The following RTL4 variants were observed in gnomAD, a reference collection of about 807,000 sequenced individuals.
RTL4 encodes retrotransposon Gag like 4.
RTL4 carries 4 observed loss-of-function variants against 5.3 expected under a neutral mutation model. The observed-to-expected ratio is 0.75, with a 90% CI of 0.37 to 1.72. RTL4 has a LOEUF of 1.72. RTL4 is among the 40% of genes most tolerant of loss of function. The pLI is 0.04. For missense variants in RTL4, 260 were observed against 227.1 expected, an observed-to-expected ratio of 1.14 and a Z score of -0.93; for synonymous variants, 98 against 87.3, an observed-to-expected ratio of 1.12 and a Z score of -0.68.
chrX:112,241,970 T>TG, the RTL4 span, among the ~76,000 whole-genome samples: 1 of 112,141 alleles, frequency 8.9e-6, no homozygotes, highest in African/African-American at 3.2e-5. Context: ...TGCCATTTCT[T>TG]ATTTTTGTCA....
the RTL4 span, among the ~76,000 whole-genome samples, chrX:112,276,187 A>T: frequency 8.9e-5 from 10 of 111,875 alleles, no homozygotes; most frequent in Non-Finnish European, 1.9e-4. Context: ...CTTCCATCAT[A>T]TTCTTTGCTA....
the RTL4 span, among the ~76,000 whole-genome samples, chrX:112,179,661 A>C: frequency 6.2e-5 from 7 of 112,583 alleles, no homozygotes; most frequent in South Asian, 2.6e-3. Flanking sequence ...TGAGGGCTTA[A>C]CTATGAGCCA....
At chrX:112,175,574 G>T in the RTL4 span, among the ~76,000 whole-genome samples, 1 of 108,954 alleles carries the variant, frequency 9.2e-6, no homozygotes, top group Non-Finnish European at 1.9e-5. Context: ...CTCTTTTTTG[G>T]TTCCATATGA....
the RTL4 span, among the ~76,000 whole-genome samples, chrX:112,187,305 A>C: frequency 8.9e-6 from 1 of 112,080 alleles, no homozygotes; most frequent in Admixed American, 9.5e-5. Context: ...AAATATTATC[A>C]GTCCAATACA....
chrX:112,178,717 C>G, the RTL4 span, among the ~76,000 whole-genome samples: 20 of 111,378 alleles, frequency 1.8e-4, no homozygotes, highest in Admixed American at 1.9e-3. Context: ...CTCCCCTTAC[C>G]TCAACCCTAA....
the RTL4 span, among the ~76,000 whole-genome samples, chrX:112,397,708 C>T: frequency 1.8e-5 from 2 of 111,790 alleles, no homozygotes; most frequent in African/African-American, 6.5e-5. Context: ...AGATCTTATA[C>T]ATGTTTTAGA....
chrX:112,250,536 G>A, the RTL4 span, among the ~76,000 whole-genome samples: 1 of 111,584 alleles, frequency 9.0e-6, no homozygotes, highest in Non-Finnish European at 1.9e-5. Context: ...ACACAGGGCA[G>A]AGGTTGCATT....
At chrX:112,130,656 A>G in the RTL4 span, among the ~76,000 whole-genome samples, 7 of 111,478 alleles carry the variant, frequency 6.3e-5, no homozygotes, top group South Asian at 3.7e-4. Flanking sequence ...TGGGAGTATG[A>G]CAACTATAAA....
the RTL4 span, among the ~76,000 whole-genome samples, chrX:112,142,112 A>G: frequency 1.2e-4 from 13 of 112,483 alleles, no homozygotes; most frequent in Non-Finnish European, 1.3e-4. Context: ...ATATAGCCAA[A>G]TCAGAGAAGA....
the RTL4 span, among the ~76,000 whole-genome samples, chrX:112,267,814 C>T: frequency 2.3e-3 from 252 of 110,503 alleles, 1 homozygote; most frequent in African/African-American, 7.8e-3. Context: ...TCTCCACATC[C>T]AATTCATAGG....
chrX:112,130,504 A>G, the RTL4 span, among the ~76,000 whole-genome samples: 2 of 110,418 alleles, frequency 1.8e-5, no homozygotes, highest in East Asian at 2.8e-4. Flanking sequence ...GAATGCATGC[A>G]TGCTTATTTA....
the RTL4 span, among the ~76,000 whole-genome samples, chrX:112,406,096 C>T: frequency 9.0e-6 from 1 of 111,370 alleles, no homozygotes; most frequent in African/African-American, 3.3e-5. Context: ...TAACACTTGC[C>T]ACCGTGAGCC....
chrX:112,352,644 C>T, the RTL4 span, among the ~76,000 whole-genome samples: 1 of 111,402 alleles, frequency 9.0e-6, no homozygotes. Context: ...AAAGCTGAAA[C>T]TGGATCCCTT....
At chrX:112,340,623 T>C in the RTL4 span, among the ~76,000 whole-genome samples, 4 of 107,345 alleles carry the variant, frequency 3.7e-5, no homozygotes, top group African/African-American at 1.4e-4. Flanking sequence ...AGGGAAACCT[T>C]TTTAGGCCGT....
the RTL4 span, among the ~76,000 whole-genome samples, chrX:112,436,969 T>C: frequency 2.0e-4 from 22 of 112,060 alleles, no homozygotes; most frequent in Non-Finnish European, 3.4e-4. Context: ...GAGGATACTT[T>C]ATCCTTTGGA....
the RTL4 span, among the ~76,000 whole-genome samples, chrX:112,103,301 C>T: frequency 2.7e-5 from 3 of 109,571 alleles, no homozygotes; most frequent in African/African-American, 1.0e-4. Context: ...CCATTATCCT[C>T]AGCAAACTGA....
the RTL4 span, among the ~76,000 whole-genome samples, chrX:112,397,221 G>T: frequency 2.7e-5 from 3 of 111,422 alleles, no homozygotes; most frequent in East Asian, 5.6e-4. Context: ...TTATATAAGT[G>T]GTGTAGTATT....
At chrX:112,083,215 T>A in the RTL4 span, among the ~76,000 whole-genome samples, 3 of 111,562 alleles carry the variant, frequency 2.7e-5, no homozygotes, top group Non-Finnish European at 5.7e-5. Flanking sequence ...TAAGCGCGGG[T>A]GCGGGTAGAG....
At chrX:112,165,468 C>T in the RTL4 span, among the ~76,000 whole-genome samples, 1 of 111,203 alleles carries the variant, frequency 9.0e-6, no homozygotes, top group Non-Finnish European at 1.9e-5. Flanking sequence ...AGGTCCTTAA[C>T]AAATCCTGGG....
Sources: allele counts gnomAD v4.1 joint callset (sites outside exome capture counted in the v4.1 genomes callset), GRCh38; gene constraint gnomAD v4.1.1; transcripts MANE v1.5; gene names NCBI Gene and HGNC (gene_info 2026-07-23, HGNC 2026-07-21).